Variants in FKBP3 observed in about 807,000 individuals in gnomAD.
FKBP3 encodes the protein peptidyl-prolyl cis-trans isomerase FKBP3.
In FKBP3, 21 loss-of-function variants were observed where a neutral mutation model predicts 30.6. That is an observed-to-expected ratio of 0.69 (90% CI 0.49 to 0.99). FKBP3 has a LOEUF of 0.99. FKBP3 is among the 50% of genes least tolerant of loss of function. The pLI, the probability that FKBP3 is intolerant of heterozygous loss-of-function variation, is 0.00. For synonymous variants in FKBP3, 82 were observed against 91.3 expected (o/e 0.90, Z 0.58); for missense variants, 283 against 261.6 (o/e 1.08, Z -0.56).
chr14:45,132,429 G>A (rs1885237705), intron 1 of FKBP3, among the ~76,000 whole-genome samples: 1 of 151,974 alleles, frequency 6.6e-6, no homozygotes, highest in African/African-American at 2.4e-5. Flanking sequence ...ACAGAGTCTA[G>A]CTCTGTCGCC....
intron 6 of FKBP3, among the ~76,000 whole-genome samples, chr14:45,116,537 A>C (rs894531423): frequency 6.6e-6 from 1 of 152,088 alleles, no homozygotes; most frequent in African/African-American, 2.4e-5. Flanking sequence ...GAGGTAGTAC[A>C]TAATATTTAC....
At chr14:45,122,016 G>A (rs1884995859) in intron 3 of FKBP3, among the ~76,000 whole-genome samples, 1 of 152,132 alleles carries the variant, frequency 6.6e-6, no homozygotes, top group Non-Finnish European at 1.5e-5. Context: ...TGTTTTAGCA[G>A]CAATAATTGA....
At chr14:45,128,054 A>G (rs2139085540) in intron 3 of FKBP3, among the ~76,000 whole-genome samples, 1 of 152,294 alleles carries the variant, frequency 6.6e-6, no homozygotes, top group Admixed American at 6.5e-5. Flanking sequence ...ATGAGAAGGG[A>G]GTCCAGGGGC....
At chr14:45,119,218 C>T (rs1193464618) in intron 5 of FKBP3, among the ~76,000 whole-genome samples, 1 of 152,046 alleles carries the variant, frequency 6.6e-6, no homozygotes, top group African/African-American at 2.4e-5. Context: ...TATTGAAATG[C>T]AACAATCATA....
At position 45,121,616 on chromosome 14, in the gene FKBP3, G is replaced by A. The variant is rs1265674419; in HGVS notation, c.323C>T (p.Pro108Leu). 6.2e-7 allele frequency: 1 copy of A among 1,612,418 alleles called. No individual in the cohort carries two copies. The highest frequency in any genetic ancestry group is 8.5e-7 in the Non-Finnish European group (1 of 1,179,378). The change falls in exon 4 of 7, where the codon CCA (proline) becomes CTA (leucine). Residue 108 changes from proline (P) to leucine (L), a missense_variant. Coordinates refer to ENST00000396062, the MANE Select transcript of FKBP3 (RefSeq NM_002013.4). ...TKSEETLDEGPPKYTKSVLKK... is the reference protein window; with the variant it reads ...TKSEETLDEGLPKYTKSVLKK... Reference sequence around the variant, plus strand: ...CAGAACAGATTTAGTATATTTTGGTGGACCCTAAAAACAAAAAACAACACA... The same window carrying A: ...CAGAACAGATTTAGTATATTTTGGTAGACCCTAAAAACAAAAAACAACACA...
At chr14:45,119,742 C>T (rs1355835980) in intron 5 of FKBP3, among the ~76,000 whole-genome samples, 3 of 147,674 alleles carry the variant, frequency 2.0e-5, no homozygotes, top group African/African-American at 7.5e-5. Context: ...GGCTGGAGTG[C>T]AGTGGCGTGA....
intron 5 of FKBP3, among the ~76,000 whole-genome samples, 181 bp downstream of exon 5, chr14:45,120,706 T>G (rs563955759): frequency 6.6e-6 from 1 of 152,216 alleles, no homozygotes; most frequent in East Asian, 1.9e-4. Flanking sequence ...TCATTTTATA[T>G]GTAGCGAAAC....
intron 3 of FKBP3, among the ~76,000 whole-genome samples, chr14:45,122,558 C>T (rs561611159): frequency 1.6e-4 from 24 of 152,014 alleles, no homozygotes; most frequent in Admixed American, 1.5e-3. Flanking sequence ...TGGAGTGCAG[C>T]GGTGTGATCT....
intron 3 of FKBP3, among the ~76,000 whole-genome samples, chr14:45,127,823 C>T (rs1444530995): frequency 2.0e-5 from 3 of 152,054 alleles, no homozygotes; most frequent in African/African-American, 4.8e-5. Flanking sequence ...AAATGAACAA[C>T]GTTTTTAACA....
chr14:45,121,229 C>G (rs553345513), intron 4 of FKBP3, among the ~76,000 whole-genome samples: 4 of 152,254 alleles, frequency 2.6e-5, no homozygotes, highest in Non-Finnish European at 4.4e-5. Context: ...TATTCAAATA[C>G]TAATGCCTTA....
In FKBP3 at chr14:45,129,869, CACTTT is replaced by C. The variant is rs1566708050; in HGVS notation, c.238_242del (p.Lys80ValfsTer2). 1 of 1,612,956 alleles carries C rather than the reference CACTTT, an allele frequency of 6.2e-7. No homozygotes were observed. The highest frequency in any genetic ancestry group is 8.5e-7 in the Non-Finnish European group (1 of 1,179,398). ...GCTTCACATTTTTTACTTGCTCAGA[CACTTT>C]ACTTATACTTTCAGTACCCTTAAAA... is the stretch of plus-strand genomic sequence containing the variant. On this transcript the variant is annotated frameshift_variant, in exon 3 of 7. Coordinates refer to ENST00000396062, the MANE Select transcript of FKBP3 (RefSeq NM_002013.4). LOFTEE classifies it high-confidence loss of function.
In FKBP3 at chr14:45,118,092, C is replaced by G; in HGVS notation, c.556G>C (p.Glu186Gln). 6.2e-7 allele frequency: 1 copy of G among 1,605,040 alleles called. No individual in the cohort carries two copies. Among genetic ancestry groups the G allele is most frequent in the Non-Finnish European group, 8.5e-7 (1 of 1,176,906 alleles). The change falls in exon 6 of 7, where the codon GAA becomes CAA. Residue 186 changes from glutamate to glutamine, a missense_variant. Transcript: ENST00000396062. ...DEALLTMSKG[E>Q]KARLEIEPEW... ...GGTTCAATCTCCAGTCGAGCCTTTT[C>G]TCCTTTACTCATAGTCAAGAGAGCT...
At chr14:45,116,278 G>C (rs1203413702) in intron 6 of FKBP3, 26 bp from the exon 7 acceptor site, 1 of 1,582,962 alleles carries the variant, frequency 6.3e-7, no homozygotes, top group Admixed American at 1.7e-5. Flanking sequence ...AGGTACATTT[G>C]ATAAAAAGTG....
At chr14:45,123,421 T>A (rs1225833498) in intron 3 of FKBP3, among the ~76,000 whole-genome samples, 4 of 151,368 alleles carry the variant, frequency 2.6e-5, no homozygotes, top group Non-Finnish European at 5.9e-5. Flanking sequence ...CAAAAAAAAT[T>A]TACTGTTTGT....
chr14:45,123,284 C>T (rs1263658436), intron 3 of FKBP3, among the ~76,000 whole-genome samples: 2 of 152,002 alleles, frequency 1.3e-5, no homozygotes, highest in African/African-American at 2.4e-5. Context: ...GAGACCTCTT[C>T]TTCACAAGCC....
intron 3 of FKBP3, among the ~76,000 whole-genome samples, chr14:45,126,133 C>T (rs966131928): frequency 7.3e-5 from 11 of 151,516 alleles, no homozygotes; most frequent in Non-Finnish European, 1.3e-4. Context: ...TCAAGTGATC[C>T]ACCTTCCTTG....
chr14:45,130,943 C>CT (rs755542382), intron 1 of FKBP3, 143 bp from the exon 2 acceptor site: 2 of 487,830 alleles, frequency 4.1e-6, no homozygotes, highest in Non-Finnish European at 7.2e-6. Flanking sequence ...AGTTTATACT[C>CT]TTTGTTACAA....
chr14:45,133,478 CAAAA>C (rs926325527), intron 1 of FKBP3: 1 of 157,668 alleles, frequency 6.3e-6, no homozygotes, highest in Non-Finnish European at 1.4e-5. Flanking sequence ...AACAAACAAA[CAAAA>C]AAACCCAGAA....
At position 45,129,851 on chromosome 14, in the gene FKBP3, AT is replaced by A; in HGVS notation, c.260del (p.Asn87MetfsTer2). On this transcript the variant is annotated frameshift_variant, in exon 3 of 7. Transcript: ENST00000396062. LOFTEE classifies it high-confidence loss of function. Reference sequence around the variant, plus strand: ...TGGGTTTATCTTCATTAAGCTTCACATTTTTTACTTGCTCAGACACTTTACT... The same window carrying A: ...TGGGTTTATCTTCATTAAGCTTCACATTTTTACTTGCTCAGACACTTTACT... ...SISKVSEQVK[N>X]VKLNEDKPKE... 6.2e-7 allele frequency: 1 copy of A among 1,613,122 alleles called. No individual in the cohort carries two copies. Among genetic ancestry groups the A allele is most frequent in the Non-Finnish European group, 8.5e-7 (1 of 1,179,544 alleles).
Sources: gnomAD v4.1 joint callset for allele counts (sites outside exome capture counted in the v4.1 genomes callset) on GRCh38, gnomAD v4.1.1 for gene constraint, MANE v1.5 for transcripts, NCBI Gene and HGNC (gene_info 2026-07-23, HGNC 2026-07-21) for gene names.